The following TRAPPC2B variants were observed in gnomAD, a reference collection of about 807,000 sequenced individuals.
TRAPPC2B encodes trafficking protein particle complex subunit 2B.
In TRAPPC2B, 5 loss-of-function variants were observed where a neutral mutation model predicts 8.4. The ratio of observed to expected loss-of-function variants is 0.59; its 90% CI spans 0.31 to 1.25. The LOEUF is 1.25. TRAPPC2B is among the 50% of genes most tolerant of loss of function. The probability of loss-of-function intolerance (pLI) is 0.06; values close to 1 mark genes in which losing one functional copy is unlikely to be tolerated. For synonymous variants in TRAPPC2B, 46 were observed against 58.1 expected (o/e 0.79, Z 0.95); for missense variants, 161 against 173.2 (o/e 0.93, Z 0.40).
chr19:57,365,372 C>T lies in TRAPPC2B; in HGVS notation c.*116C>T. The T allele has an allele frequency of 1.4e-6, 1 of 737,002 alleles. No individual in the cohort carries two copies. Among genetic ancestry groups the T allele is most frequent in the East Asian group, 2.7e-5 (1 of 36,790 alleles). 45.7% of individuals were successfully genotyped at this position (737,002 alleles called of 1,614,324 possible). A position where few individuals can be genotyped will look rare whatever the true frequency, so the allele number is the denominator to read the frequency against. ...AATCTTTTGTGTATTCTCAGCTTAT[C>T]TAAACTTAATGAAATTTCTTTTATA... On this transcript the variant is annotated 3_prime_UTR_variant, in exon 2 of 2. Transcript: ENST00000543226.
rs1231118128 is a variant in TRAPPC2B at position 57,364,680 on chromosome 19, G to T, written c.-19-135G>T. On this transcript the variant is annotated intron_variant, in intron 1 of 1. Coordinates refer to ENST00000543226, the MANE Select transcript of TRAPPC2B (RefSeq NM_001355204.2). The stretch of plus-strand genomic sequence containing the variant: ...TGCCTGAACCCAGGAGGTGGAGATT[G>T]CAGTGAGCCAAGATCGCGCCATTGC... The T allele has an allele frequency of 7.6e-6, 5 of 660,008 alleles. No homozygotes were observed. The East Asian group carries it at 1.4e-4, about 18-fold the overall frequency. The allele number at this position is 660,008 out of a possible 1,614,324, so 40.9% of individuals were successfully genotyped here.
chr19:57,364,769 C>A (rs1007857454), intron 1 of TRAPPC2B, 46 bp from the exon 2 acceptor site: 1 of 1,382,184 alleles, frequency 7.2e-7, no homozygotes, highest in African/African-American at 1.4e-5. Flanking sequence ...CGGGTCTCTT[C>A]CGCGGAAACT....
At chr19:57,364,657 C>T (rs1480744497) in intron 1 of TRAPPC2B, 158 bp from the exon 2 acceptor site, 14 of 623,066 alleles carry the variant, frequency 2.2e-5, no homozygotes, top group Non-Finnish European at 3.7e-5. Context: ...AGGAGAATTG[C>T]CTGAACCCAG....
intron 1 of TRAPPC2B, 39 bp from the exon 2 acceptor site, chr19:57,364,776 A>G: frequency 7.0e-7 from 1 of 1,430,642 alleles, no homozygotes; most frequent in South Asian, 1.2e-5. Context: ...CTTCCGCGGA[A>G]ACTGACATTG....
At chr19:57,363,798 G>A (rs1012785268) in intron 1 of TRAPPC2B, 95 bp downstream of exon 1, 2 of 148,768 alleles carry the variant, frequency 1.3e-5, no homozygotes, top group Non-Finnish European at 1.5e-5. Flanking sequence ...CAGGCCCCTT[G>A]TCTCGAAGAG....
In TRAPPC2B at chr19:57,364,801, G is replaced by A. The variant is rs1462832313; in HGVS notation, c.-19-14G>A. 1.3e-6 allele frequency: 2 copies of A among 1,549,476 alleles called. No homozygotes were observed. Among genetic ancestry groups the A allele is most frequent in the East Asian group, 2.3e-5 (1 of 43,494 alleles). On this transcript the variant is annotated splice_polypyrimidine_tract_variant and intron_variant, in intron 1 of 1. Transcript: ENST00000543226. ...AACTGACATTGCGTTTCCGTTGTCGGCCTCCCGCTGCAGGAGCCATATATT... is the reference window on the plus strand; with the variant it reads ...AACTGACATTGCGTTTCCGTTGTCGACCTCCCGCTGCAGGAGCCATATATT...
chr19:57,363,867 C>T (rs1241742884), intron 1 of TRAPPC2B, 164 bp downstream of exon 1: 1 of 152,334 alleles, frequency 6.6e-6, no homozygotes, highest in East Asian at 1.9e-4. Flanking sequence ...TCAGAGCTCC[C>T]TTCGGGGATC....
chr19:57,365,038 G>C lies in TRAPPC2B; in HGVS notation c.205G>C (p.Glu69Gln), dbSNP rs770328516. Residue 69 changes from glutamate to glutamine, a missense_variant, in exon 2 of 2, where the codon GAG becomes CAG. Glu to Gln is a conservative substitution (Grantham distance 29). Coordinates refer to ENST00000543226, the MANE Select transcript of TRAPPC2B (RefSeq NM_001355204.2). ...CTTGAAAACTGTGGACAAGTTCAAC[G>C]AGTGGTTTGTGTCAGCATTTGTCAC... is the stretch of plus-strand genomic sequence containing the variant. Reference protein sequence around the residue: ...MYLKTVDKFNEWFVSAFVTAG... With the variant: ...MYLKTVDKFNQWFVSAFVTAG... 6.2e-7 allele frequency: 1 copy of C among 1,612,052 alleles called. No homozygotes were observed. The highest frequency in any genetic ancestry group is 8.5e-7 in the Non-Finnish European group (1 of 1,178,372).
rs1229116783 is a variant in TRAPPC2B at position 57,364,991 on chromosome 19, T to C, written c.158T>C (p.Met53Thr). 6.2e-7 allele frequency: 1 copy of C among 1,612,970 alleles called. No individual in the cohort carries two copies. The highest frequency in any genetic ancestry group is 1.3e-5 in the African/African-American group (1 of 75,016). The change falls in exon 2 of 2, where the codon ATG becomes ACG. Residue 53 changes from methionine (M) to threonine (T), a missense_variant. Coordinates refer to ENST00000543226, the MANE Select transcript of TRAPPC2B (RefSeq NM_001355204.2). ...GCTCTCGACCTCGTAGATGAGAACA[T>C]GTGGCTGTCGAACAACATGTACTTG... ...HAALDLVDEN[M>T]WLSNNMYLKT...
chr19:57,364,452 ATAGAGGGTGGC>A, intron 1 of TRAPPC2B: 4 of 231,946 alleles, frequency 1.7e-5, no homozygotes, highest in South Asian at 1.3e-4. Flanking sequence ...CTTCAAAAGA[ATAGAGGGTGGC>A]CGGGCGTGGT....
At chr19:57,364,699 C>T (rs948405504) in intron 1 of TRAPPC2B, 116 bp from the exon 2 acceptor site, 19 of 737,622 alleles carry the variant, frequency 2.6e-5, no homozygotes, top group Non-Finnish European at 3.8e-5. Flanking sequence ...CAAGATCGCG[C>T]CATTGCACTC....
intron 1 of TRAPPC2B, chr19:57,364,450 GAATA>G: frequency 2.0e-5 from 5 of 251,564 alleles, no homozygotes; most frequent in South Asian, 1.0e-4. Flanking sequence ...TTCTTCAAAA[GAATA>G]GAGGGTGGCC....
chr19:57,365,004 C>G lies in TRAPPC2B; in HGVS notation c.171C>G (p.Asn57Lys), dbSNP rs1156956766. 5.0e-6 allele frequency: 8 copies of G among 1,612,620 alleles called. No homozygotes were observed. Among genetic ancestry groups the G allele is most frequent in the Admixed American group, 3.3e-5 (2 of 59,912 alleles). Residue 57 changes from asparagine to lysine, a missense_variant, in exon 2 of 2, where the codon AAC becomes AAG. Asn to Lys is a moderately conservative substitution (Grantham distance 94, BLOSUM62 0). Transcript: ENST00000543226. ...TAGATGAGAACATGTGGCTGTCGAA[C>G]AACATGTACTTGAAAACTGTGGACA... ...DLVDENMWLS[N>K]NMYLKTVDKF...
intron 1 of TRAPPC2B, 144 bp from the exon 2 acceptor site, chr19:57,364,671 G>A (rs892349025): frequency 1.6e-6 from 1 of 641,814 alleles, no homozygotes. Flanking sequence ...AACCCAGGAG[G>A]TGGAGATTGC....
intron 1 of TRAPPC2B, chr19:57,364,443 TTCAAAA>T: frequency 4.8e-6 from 1 of 206,436 alleles, no homozygotes; most frequent in Non-Finnish European, 9.9e-6. Context: ...GTGTAGATTC[TTCAAAA>T]GAATAGAGGG....
At position 57,365,127 on chromosome 19, in the gene TRAPPC2B, C is replaced by A. The variant is rs1168689303; in HGVS notation, c.294C>A (p.Phe98Leu). 3.1e-6 allele frequency: 5 copies of A among 1,607,482 alleles called. No homozygotes were observed. Among genetic ancestry groups the A allele is most frequent in the Non-Finnish European group, 4.3e-6 (5 of 1,175,216 alleles). Residue 98 changes from phenylalanine to leucine, a missense_variant, in exon 2 of 2, where the codon TTC becomes TTA. Coordinates refer to ENST00000543226, the MANE Select transcript of TRAPPC2B (RefSeq NM_001355204.2). The part of the protein sequence containing the change: ...DIRQEDGIKN[F>L]FTDVYDLYIK... ...GACAAGAAGATGGAATAAAGAACTT[C>A]TTTACTGATGTTTATGATTTATATA...
Position 57,365,350 on chromosome 19 carries a change from C to G in TRAPPC2B, c.*94C>G. The G allele has an allele frequency of 2.3e-6, 2 of 885,212 alleles. No individual in the cohort carries two copies. Among genetic ancestry groups the G allele is most frequent in the Non-Finnish European group, 3.5e-6 (2 of 567,490 alleles). The allele number at this position is 885,212 out of a possible 1,614,324, so 54.8% of individuals were successfully genotyped here. ...TTACTTGATTAAATAGCCTGGAAAT[C>G]TTTTGTGTATTCTCAGCTTATCTAA... On this transcript the variant is annotated 3_prime_UTR_variant, in exon 2 of 2. Coordinates refer to ENST00000543226, the MANE Select transcript of TRAPPC2B (RefSeq NM_001355204.2).
chr19:57,364,444 T>TG, intron 1 of TRAPPC2B: 1 of 204,476 alleles, frequency 4.9e-6, no homozygotes, highest in Non-Finnish European at 1.0e-5. Context: ...TGTAGATTCT[T>TG]CAAAAGAATA....
intron 1 of TRAPPC2B, 107 bp from the exon 2 acceptor site, chr19:57,364,708 T>C (rs561340037): frequency 1.2e-6 from 1 of 825,588 alleles, no homozygotes; most frequent in Non-Finnish European, 1.9e-6. Flanking sequence ...GCCATTGCAC[T>C]CCAGCCTGGG....
Sources: gnomAD v4.1 joint callset for allele counts on GRCh38, gnomAD v4.1.1 for gene constraint, MANE v1.5 for transcripts, NCBI Gene and HGNC (gene_info 2026-07-23, HGNC 2026-07-21) for gene names.